The following NEK10 variants were observed in gnomAD, a reference collection of about 807,000 sequenced individuals.
The protein encoded by NEK10 is NIMA related kinase 10, also known as serine/threonine-protein kinase Nek10.
In NEK10, 122 loss-of-function variants were observed where a neutral mutation model predicts 159.8. That is an observed-to-expected ratio of 0.76 (90% CI 0.66 to 0.89). NEK10 has a LOEUF of 0.89. Ranked by LOEUF, NEK10 falls within the 40% of genes least tolerant of loss-of-function variation. The pLI is 0.00. For synonymous variants in NEK10, 466 were observed against 457.1 expected (o/e 1.02, Z -0.25); for missense variants, 1,342 against 1,323.1 (o/e 1.01, Z -0.22).
intron 14 of NEK10, among the ~76,000 whole-genome samples, chr3:27,296,063 A>C (rs561037260): frequency 7.9e-5 from 12 of 152,306 alleles, no homozygotes; most frequent in African/African-American, 2.9e-4. Context: ...ACAACCATAA[A>C]GGGAGAAATT....
At position 27,333,500 on chromosome 3, in the gene NEK10, C is replaced by T. The variant is rs1001016919; in HGVS notation, c.362+10772G>A. On this transcript the variant is annotated intron_variant, in intron 5 of 35. Coordinates refer to ENST00000691995, the MANE Select transcript of NEK10 (RefSeq NM_001394966.1). ...GGCAGAAGTCGCAGTGAGCCCAGATCGCATCATTGCACGCCAGCCTGGGCA... is the reference window on the plus strand; with the variant it reads ...GGCAGAAGTCGCAGTGAGCCCAGATTGCATCATTGCACGCCAGCCTGGGCA... 4.7e-4 allele frequency among the ~76,000 whole-genome samples: 71 copies of T among 150,846 alleles called. 2 individuals carry two copies. Among genetic ancestry groups the T allele is most frequent in the Middle Eastern group, 3.2e-3 (1 of 314 alleles).
intron 1 of NEK10, among the ~76,000 whole-genome samples, chr3:27,366,992 T>C (rs2149920521): frequency 6.6e-6 from 1 of 151,988 alleles, no homozygotes; most frequent in East Asian, 1.9e-4. Context: ...GTATTTTTTG[T>C]AGAGATGGGG....
chr3:27,329,383 G>A (rs1189651854), intron 5 of NEK10, among the ~76,000 whole-genome samples: 1 of 152,198 alleles, frequency 6.6e-6, no homozygotes, highest in Non-Finnish European at 1.5e-5. Flanking sequence ...TAAGTGGATA[G>A]GAAAATTTAG....
intron 22 of NEK10, among the ~76,000 whole-genome samples, chr3:27,277,024 C>A (rs2041822817): frequency 6.6e-6 from 1 of 152,116 alleles, no homozygotes; most frequent in Admixed American, 6.6e-5. Context: ...CTAATGGAGA[C>A]CTTCTTTGGA....
At chr3:27,310,878 G>T in intron 9 of NEK10, 71 bp downstream of exon 9, 2 of 930,286 alleles carry the variant, frequency 2.1e-6, no homozygotes, top group Non-Finnish European at 3.5e-6. Flanking sequence ...AACCGCAAAG[G>T]CTCTGAACTT....
chr3:27,111,306 G>A lies in NEK10; in HGVS notation c.3314C>T (p.Pro1105Leu). The change falls in exon 36 of 36, where the codon CCA (proline) becomes CTA (leucine). Residue 1105 changes from proline to leucine, a missense_variant. Coordinates refer to ENST00000691995, the MANE Select transcript of NEK10 (RefSeq NM_001394966.1). Reference protein sequence around the residue: ...NFTSNRYHSYPWGTKNHPTKR With the variant: ...NFTSNRYHSYLWGTKNHPTKR ...GGTTGGGTGATTCTTGGTCCCCCAT[G>A]GATAGGAATGATACCTATAAGATTC... is the stretch of plus-strand genomic sequence containing the variant. The A allele has an allele frequency of 6.2e-7, 1 of 1,606,460 alleles. No individual in the cohort carries two copies. The highest frequency in any genetic ancestry group is 8.5e-7 in the Non-Finnish European group (1 of 1,175,860).
chr3:27,112,841 G>A (rs1221084137), intron 35 of NEK10, among the ~76,000 whole-genome samples: 1 of 152,124 alleles, frequency 6.6e-6, no homozygotes, highest in East Asian at 1.9e-4. Context: ...GAAAAATGCA[G>A]TCTACTAATT....
At chr3:27,347,456 C>G (rs2047638046) in intron 3 of NEK10, among the ~76,000 whole-genome samples, 1 of 121,600 alleles carries the variant, frequency 8.2e-6, no homozygotes, top group Admixed American at 1.1e-4. Context: ...AAGCCAAGAT[C>G]GTGCCATTGC....
intron 13 of NEK10, among the ~76,000 whole-genome samples, chr3:27,297,681 T>C (rs2043458991): frequency 6.6e-6 from 1 of 152,228 alleles, no homozygotes; most frequent in African/African-American, 2.4e-5. Flanking sequence ...CCACTGTTAC[T>C]GGTGAGAAAA....
At chr3:27,162,593 G>GC in intron 30 of NEK10, 108 bp downstream of exon 30, 1 of 1,614,020 alleles carries the variant, frequency 6.2e-7, no homozygotes, top group Non-Finnish European at 8.5e-7. Context: ...AGGTCAAGAG[G>GC]CAGCAAAGCT....
At chr3:27,166,439 G>A (rs541563453) in intron 29 of NEK10, among the ~76,000 whole-genome samples, 1 of 152,242 alleles carries the variant, frequency 6.6e-6, no homozygotes, top group African/African-American at 2.4e-5. Flanking sequence ...ATTAGCAGAT[G>A]GGCCAGGTTG....
chr3:27,328,592 G>T (rs1450231664), intron 5 of NEK10, among the ~76,000 whole-genome samples: 2 of 152,180 alleles, frequency 1.3e-5, no homozygotes, highest in African/African-American at 4.8e-5. Context: ...TGGGGTGAGA[G>T]AGACAGGAGA....
intron 25 of NEK10, among the ~76,000 whole-genome samples, chr3:27,200,202 G>A (rs1430637000): frequency 1.3e-5 from 2 of 152,192 alleles, no homozygotes; most frequent in Non-Finnish European, 2.9e-5. Context: ...AAAAACAGGT[G>A]AGGAGTAATA....
At chr3:27,348,556 C>T (rs904421212) in intron 3 of NEK10, among the ~76,000 whole-genome samples, 3 of 152,150 alleles carry the variant, frequency 2.0e-5, no homozygotes, top group Non-Finnish European at 4.4e-5. Flanking sequence ...GTTTGTCTAT[C>T]TTCTGTGTGT....
chr3:27,195,718 C>T (rs1232724613), intron 25 of NEK10, among the ~76,000 whole-genome samples: 2 of 152,186 alleles, frequency 1.3e-5, no homozygotes, highest in Non-Finnish European at 2.9e-5. Flanking sequence ...TTCCAGGTCT[C>T]AGATTACACG....
At chr3:27,167,125 C>T (rs180777566) in intron 29 of NEK10, among the ~76,000 whole-genome samples, 1 of 151,812 alleles carries the variant, frequency 6.6e-6, no homozygotes, top group African/African-American at 2.4e-5. Context: ...AGAAGGCAAG[C>T]AGACGTGGAG....
At chr3:27,167,159 G>A (rs1444350267) in intron 29 of NEK10, among the ~76,000 whole-genome samples, 1 of 151,298 alleles carries the variant, frequency 6.6e-6, no homozygotes, top group Non-Finnish European at 1.5e-5. Flanking sequence ...GGAGCAACAG[G>A]ATCCTTTAAA....
At chr3:27,196,097 T>G (rs1257756400) in intron 25 of NEK10, among the ~76,000 whole-genome samples, 1 of 152,196 alleles carries the variant, frequency 6.6e-6, no homozygotes, top group Non-Finnish European at 1.5e-5. Context: ...CACTGTGCCC[T>G]GGACCTGTTA....
intron 23 of NEK10, among the ~76,000 whole-genome samples, chr3:27,235,786 G>T (rs1953842130): frequency 6.6e-6 from 1 of 151,922 alleles, no homozygotes; most frequent in Non-Finnish European, 1.5e-5. Flanking sequence ...AATAGAAATT[G>T]TTCTATTATA....
Sources: allele counts gnomAD v4.1 joint callset (sites outside exome capture counted in the v4.1 genomes callset), GRCh38; gene constraint gnomAD v4.1.1; transcripts MANE v1.5; gene names NCBI Gene and HGNC (gene_info 2026-07-23, HGNC 2026-07-21).